The following ZCWPW2 variants were observed in gnomAD, a reference collection of about 807,000 sequenced individuals.
ZCWPW2 encodes the protein zinc finger CW-type and PWWP domain containing 2.
Under a neutral mutation model 46.6 loss-of-function variants are expected in ZCWPW2, and 45 were observed. That is an observed-to-expected ratio of 0.96 (90% CI 0.76 to 1.24). The LOEUF (loss-of-function observed/expected upper bound fraction) is 1.24. Among genes scored for constraint, ZCWPW2 ranks in the 50% most tolerant of loss-of-function variants. ZCWPW2 has a pLI of 0.00. For missense variants in ZCWPW2, 429 were observed against 403.9 expected, an observed-to-expected ratio of 1.06 and a Z score of -0.53; for synonymous variants, 152 against 137.1, an observed-to-expected ratio of 1.11 and a Z score of -0.76.
At chr3:28,473,878 G>T (rs994753504) in intron 4 of ZCWPW2, among the ~76,000 whole-genome samples, 3 of 152,172 alleles carry the variant, frequency 2.0e-5, no homozygotes, top group African/African-American at 4.8e-5. Flanking sequence ...GGCTGGGAAG[G>T]TTAATGGAGT....
chr3:28,459,857 A>C (rs1698561292), intron 4 of ZCWPW2, among the ~76,000 whole-genome samples: 1 of 152,186 alleles, frequency 6.6e-6, no homozygotes, highest in Non-Finnish European at 1.5e-5. Context: ...AAAAATTGCC[A>C]CATGTAGCAG....
At chr3:28,442,821 T>C (rs1255074817) in intron 4 of ZCWPW2, among the ~76,000 whole-genome samples, 3 of 152,172 alleles carry the variant, frequency 2.0e-5, no homozygotes, top group Admixed American at 6.5e-5. Flanking sequence ...AGGGATGTGG[T>C]GGGGATCACC....
intron 4 of ZCWPW2, among the ~76,000 whole-genome samples, chr3:28,440,043 G>T (rs1286327126): frequency 6.6e-6 from 1 of 152,134 alleles, no homozygotes; most frequent in Non-Finnish European, 1.5e-5. Context: ...GCTATTTGTA[G>T]TCCTGCCTGG....
chr3:28,424,685 A>T (rs550536749), intron 3 of ZCWPW2, among the ~76,000 whole-genome samples: 5 of 152,198 alleles, frequency 3.3e-5, no homozygotes, highest in Non-Finnish European at 7.3e-5. Context: ...GTATTTTGTT[A>T]TGGTAGCCCT....
intron 8 of ZCWPW2, among the ~76,000 whole-genome samples, chr3:28,519,312 C>T (rs1165447172): frequency 6.6e-6 from 1 of 152,128 alleles, no homozygotes; most frequent in East Asian, 1.9e-4. Context: ...GCTTATTAGT[C>T]TATGCCTATT....
At chr3:28,388,840 G>C (rs1030003049) in intron 1 of ZCWPW2, among the ~76,000 whole-genome samples, 3 of 152,146 alleles carry the variant, frequency 2.0e-5, no homozygotes, top group African/African-American at 7.2e-5. Flanking sequence ...ACTCCTGCCT[G>C]TTTTGGGTTA....
chr3:28,438,241 C>A (rs1270090834), intron 4 of ZCWPW2, among the ~76,000 whole-genome samples: 3 of 152,196 alleles, frequency 2.0e-5, no homozygotes, highest in Non-Finnish European at 4.4e-5. Flanking sequence ...TTGTAATCTC[C>A]CTCATTTGTG....
chr3:28,464,459 G>A (rs1003099997), intron 4 of ZCWPW2, among the ~76,000 whole-genome samples: 10 of 152,024 alleles, frequency 6.6e-5, no homozygotes, highest in Admixed American at 6.6e-4. Context: ...GAGGAAGTTG[G>A]CAATCAGATG....
intron 1 of ZCWPW2, among the ~76,000 whole-genome samples, chr3:28,381,960 C>G (rs1443466607): frequency 3.3e-5 from 5 of 151,956 alleles, no homozygotes; most frequent in Non-Finnish European, 5.9e-5. Flanking sequence ...GTCAGGAGTT[C>G]GAGACCATCC....
At chr3:28,439,617 A>G (rs1697666224) in intron 4 of ZCWPW2, among the ~76,000 whole-genome samples, 1 of 152,184 alleles carries the variant, frequency 6.6e-6, no homozygotes, top group Non-Finnish European at 1.5e-5. Flanking sequence ...TAATCTTCAA[A>G]TAAAGACAAT....
rs1481449732 is a variant in ZCWPW2 at position 28,406,380 on chromosome 3, A to G, written c.-13-6676A>G. Among the ~76,000 whole-genome samples the G allele has an allele frequency of 2.6e-5, 4 of 152,196 alleles. No homozygotes were observed. In the East Asian group the frequency reaches 5.8e-4, roughly 22 times the overall value. ...CTGCAGACGATTCAGAAATCATCAG[A>G]GTTCTTGAAATGCTTTTGTAGTGAC... is the stretch of plus-strand genomic sequence containing the variant. On this transcript the variant is annotated intron_variant, in intron 2 of 9. Coordinates refer to ENST00000383768, the MANE Select transcript of ZCWPW2 (RefSeq NM_001040432.4).
At chr3:28,456,182 T>G (rs1401883535) in intron 4 of ZCWPW2, among the ~76,000 whole-genome samples, 1 of 152,218 alleles carries the variant, frequency 6.6e-6, no homozygotes, top group Non-Finnish European at 1.5e-5. Flanking sequence ...GTCGTTCTCC[T>G]TGAAGAAGTC....
At chr3:28,522,040 C>T (rs1700737966) in intron 9 of ZCWPW2, among the ~76,000 whole-genome samples, 1 of 152,076 alleles carries the variant, frequency 6.6e-6, no homozygotes, top group Non-Finnish European at 1.5e-5. Flanking sequence ...CGCATGTTCT[C>T]ACTCATAGGT....
rs1051608610 is a variant in ZCWPW2 at position 28,395,673 on chromosome 3, C to T, written c.-14+5056C>T. Among the ~76,000 whole-genome samples, 78 of 151,920 alleles carry T rather than the reference C, an allele frequency of 5.1e-4. 1 individual carries two copies. Among genetic ancestry groups the T allele is most frequent in the African/African-American group, 1.6e-3 (66 of 41,362 alleles). Reference sequence around the variant, plus strand: ...CAGACACCAAAAGGCAAATACTGTACGATCCAATTATATTTAGAATTTGAT... The same window carrying T: ...CAGACACCAAAAGGCAAATACTGTATGATCCAATTATATTTAGAATTTGAT... On this transcript the variant is annotated intron_variant, in intron 2 of 9. Transcript: ENST00000383768.
At chr3:28,376,472 C>T (rs2125706188) in intron 1 of ZCWPW2, among the ~76,000 whole-genome samples, 1 of 152,182 alleles carries the variant, frequency 6.6e-6, no homozygotes, top group Middle Eastern at 3.4e-3. Flanking sequence ...GTCTATTGCA[C>T]CACCAACTTA....
intron 4 of ZCWPW2, among the ~76,000 whole-genome samples, chr3:28,439,212 C>T (rs1697631057): frequency 6.7e-6 from 1 of 149,506 alleles, no homozygotes; most frequent in Non-Finnish European, 1.5e-5. Context: ...ATGATCACAA[C>T]ATCCACAATA....
chr3:28,366,605 T>A (rs908827303), intron 1 of ZCWPW2, among the ~76,000 whole-genome samples: 1 of 146,486 alleles, frequency 6.8e-6, no homozygotes, highest in African/African-American at 2.5e-5. Flanking sequence ...TAAAATTCTC[T>A]TTTTTTGTTG....
At position 28,494,927 on chromosome 3, in the gene ZCWPW2, G is replaced by C. The variant is rs189052216; in HGVS notation, c.657+2754G>C. On this transcript the variant is annotated intron_variant, in intron 6 of 9. Transcript: ENST00000383768. The stretch of plus-strand genomic sequence containing the variant: ...CAAACCACTGCTCAAGGAAATAAAA[G>C]AGGACACAAACAAATGGAAGAACAT... Among the ~76,000 whole-genome samples, 17 of 150,180 alleles carry C rather than the reference G, an allele frequency of 1.1e-4. No individual in the cohort carries two copies. The East Asian group carries it at 2.9e-3, about 26-fold the overall frequency.
intron 1 of ZCWPW2, among the ~76,000 whole-genome samples, chr3:28,368,383 G>C (rs1011221212): frequency 6.6e-6 from 1 of 152,064 alleles, no homozygotes; most frequent in Admixed American, 6.5e-5. Context: ...ACATTTGCTT[G>C]TCTGTAAATA....
Sources: gnomAD v4.1 joint callset for allele counts (sites outside exome capture counted in the v4.1 genomes callset) on GRCh38, gnomAD v4.1.1 for gene constraint, MANE v1.5 for transcripts, NCBI Gene and HGNC (gene_info 2026-07-23, HGNC 2026-07-21) for gene names.